Variants in STAU1 observed in about 807,000 individuals in gnomAD.
STAU1 encodes the protein double-stranded RNA-binding protein Staufen homolog 1.
STAU1 carries 13 observed loss-of-function variants against 62.9 expected under a neutral mutation model. The observed-to-expected ratio is 0.21, with a 90% CI of 0.13 to 0.33. The LOEUF (loss-of-function observed/expected upper bound fraction) is 0.33, where lower values mean the gene tolerates loss of function less well. Among genes scored for constraint, STAU1 ranks in the 10% least tolerant of loss-of-function variants. The pLI, the probability that STAU1 is intolerant of heterozygous loss-of-function variation, is 1.00. For missense variants in STAU1, 571 were observed against 712.1 expected, an observed-to-expected ratio of 0.80 and a Z score of 2.25; for synonymous variants, 269 against 265.1, an observed-to-expected ratio of 1.01 and a Z score of -0.14.
chr20:49,167,763 T>C (rs2093546015), intron 2 of STAU1, among the ~76,000 whole-genome samples: 1 of 152,214 alleles, frequency 6.6e-6, no homozygotes, highest in South Asian at 2.1e-4. Flanking sequence ...TCTCTTCATT[T>C]ATTCACTCAC....
intron 6 of STAU1, among the ~76,000 whole-genome samples, chr20:49,130,456 T>C (rs2092725932): frequency 6.6e-6 from 1 of 152,102 alleles, no homozygotes; most frequent in Non-Finnish European, 1.5e-5. Context: ...CTGTAAATTA[T>C]ACCTCAAGAA....
At chr20:49,204,965 T>C in the STAU1 span, among the ~76,000 whole-genome samples, 1 of 151,654 alleles carries the variant, frequency 6.6e-6, no homozygotes. Flanking sequence ...CTGGTCTTTT[T>C]CTCCACCCAC....
chr20:49,215,483 T>C, the STAU1 span, among the ~76,000 whole-genome samples: 3 of 152,288 alleles, frequency 2.0e-5, no homozygotes, highest in East Asian at 5.8e-4. Flanking sequence ...TTTAGATTCA[T>C]GAGAGTGGTT....
intron 5 of STAU1, among the ~76,000 whole-genome samples, chr20:49,138,003 G>A (rs574313675): frequency 6.6e-6 from 1 of 152,158 alleles, no homozygotes; most frequent in Admixed American, 6.5e-5. Flanking sequence ...AGCTGTAATT[G>A]GCTGGGCATG....
rs200082991 is a variant in STAU1 at position 49,133,052 on chromosome 20, CCAA to C, written c.609+2778_609+2780del. ...TTAATGAATATAAGCACTCACGCCA[CCAA>C]CTACATGCAAGCTGTGATAAATTAC... is the stretch of plus-strand genomic sequence containing the variant. On this transcript the variant is annotated intron_variant, in intron 6 of 13. Coordinates refer to ENST00000371856, the MANE Select transcript of STAU1 (RefSeq NM_017453.4). Among the ~76,000 whole-genome samples, 920 of 152,260 alleles carry C rather than the reference CCAA, an allele frequency of 6.0e-3. 13 individuals carry two copies. Among genetic ancestry groups the C allele is most frequent in the African/African-American group, 0.021 (868 of 41,552 alleles).
In STAU1 at chr20:49,170,763, T is replaced by C. The variant is rs369727585; in HGVS notation, c.-85+3432A>G. On this transcript the variant is annotated intron_variant, in intron 2 of 13. Transcript: ENST00000371856. ...TCAGTCTCCTTCATAATAAGTGATA[T>C]TTCCAAACAAGATGTGTCTGGGAAA... is the stretch of plus-strand genomic sequence containing the variant. Among the ~76,000 whole-genome samples the C allele has an allele frequency of 9.3e-5, 14 of 151,272 alleles. 1 individual carries two copies. Among genetic ancestry groups the C allele is most frequent in the East Asian group, 7.8e-4 (4 of 5,156 alleles).
Position 49,114,571 on chromosome 20 carries a change from AG to A in STAU1, c.*306del, listed in dbSNP as rs1442704424. On this transcript the variant is annotated 3_prime_UTR_variant, in exon 14 of 14. Transcript: ENST00000371856. The stretch of plus-strand genomic sequence containing the variant: ...AAAAAGACCAAACACGGAGGTGCCC[AG>A]GGTGTGGATCTGCTGGTGTCCCGGG... The A allele has an allele frequency of 5.1e-6, 2 of 392,804 alleles. No individual in the cohort carries two copies. The highest frequency in any genetic ancestry group is 4.6e-6 in the Non-Finnish European group (1 of 216,868). 24.3% of individuals were successfully genotyped at this position (392,804 alleles called of 1,614,324 possible).
intron 5 of STAU1, among the ~76,000 whole-genome samples, chr20:49,145,498 C>T (rs1397128538): frequency 4.3e-5 from 6 of 139,764 alleles, no homozygotes; most frequent in South Asian, 4.7e-4. Flanking sequence ...TTTGGGAGGC[C>T]GAGGCAGGTG....
chr20:49,135,066 G>A, intron 6 of STAU1: 8 of 1,223,408 alleles, frequency 6.5e-6, no homozygotes, highest in Non-Finnish European at 8.5e-6. Flanking sequence ...GCATTTTCCA[G>A]CAAGATGTAC....
intron 1 of STAU1, among the ~76,000 whole-genome samples, chr20:49,178,928 A>AAAG (rs61279147): frequency 7.3e-6 from 1 of 136,540 alleles, no homozygotes; most frequent in African/African-American, 2.7e-5. Context: ...AAAAAAAAAA[A>AAAG]CAACTAGCTG....
At chr20:49,152,219 T>C (rs2093264032) in intron 4 of STAU1, among the ~76,000 whole-genome samples, 1 of 152,138 alleles carries the variant, frequency 6.6e-6, no homozygotes, top group African/African-American at 2.4e-5. Context: ...TTCTTATCCA[T>C]TTCCCTAGCA....
intron 6 of STAU1, chr20:49,134,494 C>G (rs964265262): frequency 9.6e-7 from 1 of 1,042,458 alleles, no homozygotes; most frequent in Non-Finnish European, 1.4e-6. Flanking sequence ...CGGCTCATTA[C>G]TCTTCTCTCA....
upstream of STAU1, among the ~76,000 whole-genome samples, chr20:49,190,618 G>T (rs1276264709): frequency 6.6e-6 from 1 of 152,080 alleles, no homozygotes; most frequent in Admixed American, 6.6e-5. Context: ...TACCTGACCA[G>T]GAGTAGGTCA....
chr20:49,151,785 A>G (rs2093255360), intron 4 of STAU1, 38 bp from the exon 5 acceptor site: 5 of 1,582,668 alleles, frequency 3.2e-6, no homozygotes, highest in Non-Finnish European at 4.3e-6. Flanking sequence ...TACAGTCTCA[A>G]GTTGATAAGT....
chr20:49,205,490 T>C, the STAU1 span, among the ~76,000 whole-genome samples: 1 of 145,736 alleles, frequency 6.9e-6, no homozygotes, highest in Non-Finnish European at 1.5e-5. Context: ...CCCGTCCTCC[T>C]GAGTAGCTGG....
chr20:49,166,235 A>T lies in STAU1; in HGVS notation c.-34T>A, dbSNP rs2093524465. On this transcript the variant is annotated 5_prime_UTR_variant, in exon 3 of 14. Transcript: ENST00000371856. ...TCAACAAAAGTGAACAAATGCAGGT[A>T]AACAGCTTTCAGTGCAGGTTAATTC... 3 of 1,601,990 alleles carry T rather than the reference A, an allele frequency of 1.9e-6. No individual in the cohort carries two copies. The highest frequency in any genetic ancestry group is 3.3e-5 in the Admixed American group (2 of 59,910).
the STAU1 span, among the ~76,000 whole-genome samples, chr20:49,214,817 C>T: frequency 6.6e-6 from 1 of 152,190 alleles, no homozygotes; most frequent in Non-Finnish European, 1.5e-5. Flanking sequence ...CTTCCCAAAG[C>T]TCCCACCTCC....
chr20:49,169,281 C>A (rs1006659469), intron 2 of STAU1, among the ~76,000 whole-genome samples: 29 of 152,180 alleles, frequency 1.9e-4, no homozygotes, highest in Middle Eastern at 6.8e-3. Flanking sequence ...CAAACAGATG[C>A]TCCTCTCCCA....
At chr20:49,148,113 T>C (rs2093166757) in intron 5 of STAU1, among the ~76,000 whole-genome samples, 1 of 152,210 alleles carries the variant, frequency 6.6e-6, no homozygotes, top group South Asian at 2.1e-4. Flanking sequence ...TCAGAGAGCC[T>C]GGTAAAATCA....
Sources: allele counts gnomAD v4.1 joint callset (sites outside exome capture counted in the v4.1 genomes callset), GRCh38; gene constraint gnomAD v4.1.1; transcripts MANE v1.5; gene names NCBI Gene and HGNC (gene_info 2026-07-23, HGNC 2026-07-21).